The following FAT1 variants were observed in gnomAD, a reference collection of about 807,000 sequenced individuals.
FAT1 encodes protocadherin Fat 1.
FAT1 carries 171 observed loss-of-function variants against 329.8 expected under a neutral mutation model. The observed-to-expected ratio is 0.52, with a 90% CI of 0.46 to 0.59. The LOEUF (loss-of-function observed/expected upper bound fraction) is 0.59, where lower values mean the gene tolerates loss of function less well. Ranked by LOEUF, FAT1 falls within the 20% of genes least tolerant of loss-of-function variation. The probability of loss-of-function intolerance (pLI) is 0.00; values close to 1 mark genes in which losing one functional copy is unlikely to be tolerated. For synonymous variants in FAT1, 2,233 were observed against 2,228.6 expected (o/e 1.00, Z -0.06); for missense variants, 5,672 against 5,774.4 (o/e 0.98, Z 0.57).
chr4:186,656,012 C>T (rs1206959903), intron 3 of FAT1, among the ~76,000 whole-genome samples: 1 of 152,250 alleles, frequency 6.6e-6, no homozygotes, highest in East Asian at 1.9e-4. Context: ...ACCACCGCCA[C>T]TGAAGGTGGC....
Position 186,628,564 on chromosome 4 carries a change from T to C in FAT1, c.4523A>G (p.Asp1508Gly), listed in dbSNP as rs759992651. Residue 1508 changes from aspartate to glycine, a missense_variant, in exon 8 of 27, where the codon GAT becomes GGT. Coordinates refer to ENST00000441802, the MANE Select transcript of FAT1 (RefSeq NM_005245.4). ...AGTATAGAGAGAGCCGGTTGCAGGATCAAGACGAAATTTCTTGAGACTCAG... is the reference window on the plus strand; with the variant it reads ...AGTATAGAGAGAGCCGGTTGCAGGACCAAGACGAAATTTCTTGAGACTCAG... ...DPLSLKKFRL[D>G]PATGSLYTSE... 6.2e-7 allele frequency: 1 copy of C among 1,613,970 alleles called. No individual in the cohort carries two copies. The highest frequency in any genetic ancestry group is 1.7e-5 in the Admixed American group (1 of 60,022).
chr4:186,677,474 C>T (rs1000169160), intron 2 of FAT1, among the ~76,000 whole-genome samples: 17 of 149,492 alleles, frequency 1.1e-4, no homozygotes, highest in Admixed American at 6.6e-4. Flanking sequence ...CCATAACTCC[C>T]GTTTTCTAAA....
rs762950438 is a variant in FAT1, at chr4:186,619,282, T to C, written c.7304A>G (p.His2435Arg). ...LQYSILSGND[H>R]KHFVIDSATG... ...TGCACTGTCAATGACAAAATGTTTA[T>C]GATCATTGCCAGACAGAATGGAATA... Residue 2435 changes from histidine (H) to arginine (R), a missense_variant, in exon 10 of 27, where the codon CAT (histidine) becomes CGT (arginine). By Grantham distance (29) the His-to-Arg change is conservative. Transcript: ENST00000441802. The C allele has an allele frequency of 3.1e-6, 5 of 1,614,042 alleles. No individual in the cohort carries two copies. Among genetic ancestry groups the C allele is most frequent in the East Asian group, 4.5e-5 (2 of 44,880 alleles).
At chr4:186,605,657 T>G (rs1215117162) in intron 17 of FAT1, among the ~76,000 whole-genome samples, 39 of 100,308 alleles carry the variant, frequency 3.9e-4, no homozygotes, top group South Asian at 9.9e-4. Flanking sequence ...GGAGAAGAGG[T>G]GGAGGGAGGA....
At chr4:186,671,026 A>G (rs1007322598) in intron 2 of FAT1, among the ~76,000 whole-genome samples, 1 of 152,102 alleles carries the variant, frequency 6.6e-6, no homozygotes, top group African/African-American at 2.4e-5. Context: ...TTATGTGAGC[A>G]TTCTACTTTC....
At chr4:186,598,321 A>G (rs946765093) in intron 22 of FAT1, among the ~76,000 whole-genome samples, 196 bp from the exon 23 acceptor site, 2 of 152,246 alleles carry the variant, frequency 1.3e-5, no homozygotes, top group Non-Finnish European at 2.9e-5. Flanking sequence ...AATTGAAGAG[A>G]GAACTCAGTT....
rs139798496 is a variant in FAT1 at position 186,651,480 on chromosome 4, G to C, written c.3581-11697C>G. On this transcript the variant is annotated intron_variant, in intron 3 of 26. Coordinates refer to ENST00000441802, the MANE Select transcript of FAT1 (RefSeq NM_005245.4). ...ATGCCTCCTCTTCCAATGGGTGAAA[G>C]GGAAAATCCTTCAAATGTGGCTGCT... Among the ~76,000 whole-genome samples the C allele has an allele frequency of 3.0e-3, 458 of 152,264 alleles. 1 individual carries two copies. Among genetic ancestry groups the C allele is most frequent in the African/African-American group, 9.6e-3 (399 of 41,550 alleles).
chr4:186,600,218 T>C lies in FAT1; in HGVS notation c.11783A>G (p.Asp3928Gly). The change falls in exon 22 of 27, where the codon GAC (aspartate) becomes GGC (glycine). Residue 3928 changes from aspartate to glycine, a missense_variant. Transcript: ENST00000441802. ...VNGNYARLVL[D>G]QVHTASGTAP... ...TGTGCCCGATGCAGTATGAACTTGG[T>C]CTAGAACCAAGCGAGCATAGTTTCC... 6.2e-7 allele frequency: 1 copy of C among 1,614,058 alleles called. No homozygotes were observed. The highest frequency in any genetic ancestry group is 8.5e-7 in the Non-Finnish European group (1 of 1,179,894).
rs1395189400 is a variant in FAT1, at chr4:186,708,666, T to A, written c.1162A>T (p.Met388Leu). Residue 388 changes from methionine to leucine, a missense_variant, in exon 2 of 27, where the codon ATG becomes TTG. This residue lies in a region of FAT1 where 3,966 missense variants were observed against 3,915.2 expected (regional missense o/e 1.01). Transcript: ENST00000441802. ...GAATAAGCAGGAATGGCCTTTACCA[T>A]GACCACAGGTGTGTTGGGAGGAGCA... ...EFAPPNTPVVMVKAIPAYSHL... is the reference protein window; with the variant it reads ...EFAPPNTPVVLVKAIPAYSHL... 6.2e-7 allele frequency: 1 copy of A among 1,613,934 alleles called. No individual in the cohort carries two copies. Among genetic ancestry groups the A allele is most frequent in the East Asian group, 2.2e-5 (1 of 44,876 alleles).
intron 1 of FAT1, among the ~76,000 whole-genome samples, chr4:186,713,659 A>T (rs550127366): frequency 6.6e-5 from 10 of 151,628 alleles, no homozygotes; most frequent in African/African-American, 2.2e-4. Context: ...TATTTATTCA[A>T]TTTTTTTTCT....
intron 26 of FAT1, chr4:186,592,654 G>T (rs1300719290): frequency 2.2e-6 from 1 of 455,396 alleles, no homozygotes; most frequent in African/African-American, 2.0e-5. Flanking sequence ...CACGGCTGCT[G>T]CAAGACACAG....
chr4:186,724,498 G>A (rs115203789), upstream of FAT1, among the ~76,000 whole-genome samples: 1 of 152,180 alleles, frequency 6.6e-6, no homozygotes, highest in Non-Finnish European at 1.5e-5. The surrounding 1 kb of genome is among the most constrained non-coding windows in gnomAD (Gnocchi z 5.3). Flanking sequence ...GGACGCCCAG[G>A]CCTGTGGGAC....
intron 2 of FAT1, among the ~76,000 whole-genome samples, chr4:186,693,674 A>T (rs1032485528): frequency 1.2e-4 from 18 of 151,910 alleles, no homozygotes; most frequent in Admixed American, 1.1e-3. Flanking sequence ...CCACCCACAG[A>T]ACGGTGACCC....
At chr4:186,635,235 T>TC (rs772022686) in intron 6 of FAT1, among the ~76,000 whole-genome samples, 3 of 149,980 alleles carry the variant, frequency 2.0e-5, no homozygotes, top group African/African-American at 7.4e-5. Context: ...GGACATAAAG[T>TC]CCCCCCCAGA....
rs1482947467 is a variant in FAT1, at chr4:186,620,137, T to A, written c.6449A>T (p.Tyr2150Phe). Residue 2150 changes from tyrosine to phenylalanine, a missense_variant, in exon 10 of 27, where the codon TAT (tyrosine) becomes TTT (phenylalanine). Physicochemically the swap from Tyr to Phe is conservative, Grantham distance 22 (BLOSUM62 3). Around this residue, in one of 2 missense-constraint regions of FAT1, gnomAD observed 3,966 missense variants for 3,915.2 expected, o/e 1.01. Transcript: ENST00000441802. ...ATCTTTTGCAACCACTGTAACAAGA[T>A]ATTCTTTATTTAAGGTGTCAAGCTC... ...QFELDTLNKE[Y>F]LVTVVAKDGG... 6.2e-7 allele frequency: 1 copy of A among 1,614,012 alleles called. No homozygotes were observed. Among genetic ancestry groups the A allele is most frequent in the Non-Finnish European group, 8.5e-7 (1 of 1,179,898 alleles).
rs955929146 is a variant in FAT1 at position 186,706,740 on chromosome 4, G to A, written c.3088C>T (p.His1030Tyr). The A allele has an allele frequency of 6.2e-7, 1 of 1,613,984 alleles. No homozygotes were observed. The highest frequency in any genetic ancestry group is 8.5e-7 in the Non-Finnish European group (1 of 1,179,886). The change falls in exon 2 of 27, where the codon CAC becomes TAC. Residue 1030 changes from histidine to tyrosine, a missense_variant. This residue lies in a region of FAT1 where 3,966 missense variants were observed against 3,915.2 expected (regional missense o/e 1.01). Coordinates refer to ENST00000441802, the MANE Select transcript of FAT1 (RefSeq NM_005245.4). The part of the protein sequence containing the change: ...VEVVDVNENL[H>Y]PPVFSSFVEK... ...ACAAAGCTGGAAAACACGGGTGGGTGCAGGTTCTCATTCACATCAACCACC... is the reference window on the plus strand; with the variant it reads ...ACAAAGCTGGAAAACACGGGTGGGTACAGGTTCTCATTCACATCAACCACC...
intron 2 of FAT1, among the ~76,000 whole-genome samples, chr4:186,696,030 A>G (rs1744016299): frequency 6.6e-6 from 1 of 152,160 alleles, no homozygotes; most frequent in African/African-American, 2.4e-5. Context: ...ACCTCAGATG[A>G]TCCGCCCGCC....
rs1162786316 is a variant in FAT1, at chr4:186,603,613, A to G, written c.10913T>C (p.Met3638Thr). 2 of 1,613,980 alleles carry G rather than the reference A, an allele frequency of 1.2e-6. No homozygotes were observed. Among genetic ancestry groups the G allele is most frequent in the Non-Finnish European group, 8.5e-7 (1 of 1,179,886 alleles). Reference sequence around the variant, plus strand: ...GCGGATCGCGATGGTGTGGTTCAACATCTCCTGTGTGACTTGTCTGATATG... The same window carrying G: ...GCGGATCGCGATGGTGTGGTTCAACGTCTCCTGTGTGACTTGTCTGATATG... Reference protein sequence around the residue: ...TVHIRQVTQEMLNHTIAIRFA... With the variant: ...TVHIRQVTQETLNHTIAIRFA... Residue 3638 changes from methionine (M) to threonine (T), a missense_variant, in exon 19 of 27, where the codon ATG (methionine) becomes ACG (threonine). This residue lies in a region of FAT1 where 1,706 missense variants were observed against 1,859.1 expected (regional missense o/e 0.92). Transcript: ENST00000441802.
At chr4:186,589,289 A>C in intron 26 of FAT1, 69 bp from the exon 27 acceptor site, 2 of 1,482,940 alleles carry the variant, frequency 1.3e-6, no homozygotes, top group Non-Finnish European at 9.0e-7. Flanking sequence ...AAGAGAGCTC[A>C]GTGTATCAAA....
Sources: allele counts gnomAD v4.1 joint callset (sites outside exome capture counted in the v4.1 genomes callset), GRCh38; gene constraint gnomAD v4.1.1; regional missense constraint gnomAD v4.1.1; non-coding constraint Gnocchi (gnomAD v3.1); transcripts MANE v1.5; gene names NCBI Gene and HGNC (gene_info 2026-07-23, HGNC 2026-07-21).